The following SLC39A10 variants were observed in gnomAD, a reference collection of about 807,000 sequenced individuals.
SLC39A10 encodes zinc transporter ZIP10.
SLC39A10 carries 13 observed loss-of-function variants against 65.1 expected under a neutral mutation model. The observed-to-expected ratio is 0.20, with a 90% CI of 0.13 to 0.32. The LOEUF (loss-of-function observed/expected upper bound fraction) is 0.32, where lower values mean the gene tolerates loss of function less well. SLC39A10 is among the 10% of genes least tolerant of loss of function. The pLI, the probability that SLC39A10 is intolerant of heterozygous loss-of-function variation, is 1.00. For synonymous variants in SLC39A10, 321 were observed against 342.2 expected, an observed-to-expected ratio of 0.94 and a Z score of 0.68; for missense variants, 831 against 1,018.4, an observed-to-expected ratio of 0.82 and a Z score of 2.50.
chr2:195,647,828 A>G (rs376091967), intron 2 of SLC39A10, among the ~76,000 whole-genome samples: 4 of 152,108 alleles, frequency 2.6e-5, no homozygotes, highest in Non-Finnish European at 4.4e-5. Context: ...CTATTTTTTA[A>G]AGCAACCCTA....
In SLC39A10 at chr2:195,728,080, A is replaced by AT; in HGVS notation, c.2147-75dup. 2.3e-6 allele frequency: 3 copies of AT among 1,291,702 alleles called. No individual in the cohort carries two copies. The highest frequency in any genetic ancestry group is 3.2e-6 in the Non-Finnish European group (3 of 926,926). 80.0% of individuals were successfully genotyped at this position (1,291,702 alleles called of 1,614,324 possible). A position where few individuals can be genotyped will look rare whatever the true frequency, so the allele number is the denominator to read the frequency against. On this transcript the variant is annotated intron_variant, in intron 8 of 9. Transcript: ENST00000359634. The surrounding 1 kb of genome is among the most constrained non-coding windows in gnomAD (Gnocchi z 4.4). ...AAAAGTGTGTATCTTTTTAATGCTG[A>AT]TTTTATTTGTTTTCTCCTTTCAGAT... is the stretch of plus-strand genomic sequence containing the variant.
At chr2:195,639,696 C>T (rs1688765979) in intron 2 of SLC39A10, among the ~76,000 whole-genome samples, 1 of 152,144 alleles carries the variant, frequency 6.6e-6, no homozygotes, top group Non-Finnish European at 1.5e-5. Flanking sequence ...CAATTCTCAA[C>T]CTCCCGAGTA....
chr2:195,736,912 A>G lies in SLC39A10; in HGVS notation c.*1871A>G, dbSNP rs1254294519. On this transcript the variant is annotated 3_prime_UTR_variant, in exon 10 of 10. Transcript: ENST00000359634. ...TCTATCTAGATTTCTGAACCAAGATATATTTATAGTTCACTTTTGGGTTTT... is the reference window on the plus strand; with the variant it reads ...TCTATCTAGATTTCTGAACCAAGATGTATTTATAGTTCACTTTTGGGTTTT... 1.3e-5 allele frequency: 2 copies of G among 152,570 alleles called. No homozygotes were observed. Among genetic ancestry groups the G allele is most frequent in the African/African-American group, 4.8e-5 (2 of 41,438 alleles). The allele number at this position is 152,570 out of a possible 1,614,324, so 9.5% of individuals were successfully genotyped here.
intron 2 of SLC39A10, among the ~76,000 whole-genome samples, chr2:195,627,448 A>T (rs1487417569): frequency 1.3e-5 from 2 of 152,158 alleles, no homozygotes; most frequent in Non-Finnish European, 1.5e-5. Context: ...GATTCGAGCC[A>T]CACCAGCTTC....
chr2:195,731,391 T>C (rs1049413852), intron 9 of SLC39A10, among the ~76,000 whole-genome samples: 4 of 152,162 alleles, frequency 2.6e-5, no homozygotes, highest in African/African-American at 9.6e-5. Context: ...TTTCATATCC[T>C]CTATCCCTGC....
At chr2:195,706,467 T>C (rs1316607120) in intron 3 of SLC39A10, 149 bp from the exon 4 acceptor site, 2 of 674,448 alleles carry the variant, frequency 3.0e-6, no homozygotes, top group Non-Finnish European at 4.6e-6. Context: ...ATATTTTTGT[T>C]TTGTTTTTAA....
At chr2:195,676,101 C>T (rs753173327) in intron 1 of SLC39A10, among the ~76,000 whole-genome samples, 3 of 151,946 alleles carry the variant, frequency 2.0e-5, no homozygotes, top group Non-Finnish European at 2.9e-5. Context: ...TTTATATACT[C>T]TGGATACTGA....
In SLC39A10 at chr2:195,680,163, C is replaced by T. The variant is rs746962471; in HGVS notation, c.121C>T (p.Arg41Cys). The T allele has an allele frequency of 1.1e-5, 17 of 1,613,934 alleles. No individual in the cohort carries two copies. Among genetic ancestry groups the T allele is most frequent in the South Asian group, 3.3e-5 (3 of 91,036 alleles). Residue 41 changes from arginine to cysteine, a missense_variant, in exon 2 of 10, where the codon CGT (arginine) becomes TGT (cysteine). Physicochemically the swap from Arg to Cys is radical, Grantham distance 180. Around this residue, in one of 4 missense-constraint regions of SLC39A10, gnomAD observed 446 missense variants for 499.2 expected, o/e 0.89. Transcript: ENST00000359634. ...CCCTGAAGCGCTTCACAGACAGCAT[C>T]GTGGAATGACAGAATTGGAGCCAAG... ...HGPEALHRQH[R>C]GMTELEPSKF... is the part of the protein sequence containing the mutation.
At chr2:195,657,326 C>A in intron 1 of SLC39A10, 45 bp downstream of exon 1, 1 of 940,970 alleles carries the variant, frequency 1.1e-6, no homozygotes, top group Non-Finnish European at 1.3e-6. Context: ...CCCCCAGAAC[C>A]GGCCCCGTGC....
intron 8 of SLC39A10, among the ~76,000 whole-genome samples, chr2:195,724,592 G>C (rs1385186629): frequency 6.6e-6 from 1 of 151,948 alleles, no homozygotes; most frequent in Non-Finnish European, 1.5e-5. Flanking sequence ...ACTTATAATA[G>C]CATCAAAAAT....
chr2:195,686,412 A>T (rs894227730), intron 3 of SLC39A10, among the ~76,000 whole-genome samples: 1 of 152,134 alleles, frequency 6.6e-6, no homozygotes, highest in Admixed American at 6.6e-5. Context: ...TTAGCTGGAT[A>T]TGGTGGTGCG....
intron 1 of SLC39A10, among the ~76,000 whole-genome samples, chr2:195,671,959 C>CTT (rs760834067): frequency 5.5e-5 from 8 of 146,024 alleles, no homozygotes; most frequent in Non-Finnish European, 1.2e-4. Flanking sequence ...GAGCGGTCAT[C>CTT]TTTTTTTTTT....
intron 2 of SLC39A10, among the ~76,000 whole-genome samples, chr2:195,643,985 T>A (rs756834585): frequency 4.6e-5 from 7 of 152,220 alleles, no homozygotes; most frequent in Non-Finnish European, 8.8e-5. Flanking sequence ...GCTTAGATAT[T>A]GCACATATGC....
intron 2 of SLC39A10, among the ~76,000 whole-genome samples, chr2:195,619,661 T>C (rs147510107): frequency 1.9e-3 from 292 of 152,156 alleles, no homozygotes; most frequent in Non-Finnish European, 3.3e-3. Flanking sequence ...GAATTCCCAA[T>C]GTAAAAGATA....
chr2:195,700,704 ATTTTG>A (rs1691144024), intron 3 of SLC39A10, among the ~76,000 whole-genome samples: 1 of 152,070 alleles, frequency 6.6e-6, no homozygotes, highest in African/African-American at 2.4e-5. Flanking sequence ...TTGGTTGACA[ATTTTG>A]TTTTTTCATT....
At chr2:195,618,209 G>A (rs957318436) in intron 2 of SLC39A10, among the ~76,000 whole-genome samples, 4 of 152,100 alleles carry the variant, frequency 2.6e-5, no homozygotes, top group African/African-American at 9.6e-5. Context: ...AAATTAGCAG[G>A]GCATGGTGGC....
chr2:195,725,389 G>A (rs917569476), intron 8 of SLC39A10, among the ~76,000 whole-genome samples: 27 of 152,204 alleles, frequency 1.8e-4, no homozygotes, highest in Middle Eastern at 6.8e-3. Flanking sequence ...TTCAATCATA[G>A]TAAAACAAAC....
intron 1 of SLC39A10, among the ~76,000 whole-genome samples, chr2:195,664,649 A>C (rs1689565493): frequency 1.3e-5 from 2 of 152,170 alleles, no homozygotes; most frequent in African/African-American, 4.8e-5. Context: ...AAATAAAGTA[A>C]GACCTTTTAT....
chr2:195,637,624 T>C lies in SLC39A10; in HGVS notation c.-12+31391T>C, dbSNP rs78600977. On this transcript the variant is annotated intron_variant, in intron 2 of 2. Coordinates refer to the SLC39A10 transcript ENST00000458054. The stretch of plus-strand genomic sequence containing the variant: ...GTAATGGGTATATGTACAGCTCCTG[T>C]TGGAAGAATAGAGAAGTTATAATGC... 1.5e-3 allele frequency among the ~76,000 whole-genome samples: 227 copies of C among 152,334 alleles called. 2 individuals carry two copies. The highest frequency in any genetic ancestry group is 5.3e-3 in the African/African-American group (219 of 41,588).
Sources: allele counts gnomAD v4.1 joint callset (sites outside exome capture counted in the v4.1 genomes callset), GRCh38; gene constraint gnomAD v4.1.1; regional missense constraint gnomAD v4.1.1; non-coding constraint Gnocchi (gnomAD v3.1); transcripts MANE v1.5; gene names NCBI Gene and HGNC (gene_info 2026-07-23, HGNC 2026-07-21).